The following PCDHGA1 variants were observed in gnomAD, a reference collection of about 807,000 sequenced individuals.
PCDHGA1 encodes the protein protocadherin gamma-A1.
Under a neutral mutation model 58.0 loss-of-function variants are expected in PCDHGA1, and 32 were observed. The observed-to-expected ratio is 0.55, with a 90% CI of 0.42 to 0.74. The LOEUF (loss-of-function observed/expected upper bound fraction) is 0.74. Among genes scored for constraint, PCDHGA1 ranks in the 30% least tolerant of loss-of-function variants. The pLI is 0.00. For missense variants in PCDHGA1, 1,205 were observed against 1,182.3 expected, an observed-to-expected ratio of 1.02 and a Z score of -0.28; for synonymous variants, 498 against 501.1, an observed-to-expected ratio of 0.99 and a Z score of 0.08.
chr5:141,355,686 A>G, intron 1 of PCDHGA1: 1 of 1,613,980 alleles, frequency 6.2e-7, no homozygotes, highest in Non-Finnish European at 8.5e-7. Flanking sequence ...ATCCGGATGT[A>G]GGTGTAAACT....
Position 141,432,110 on chromosome 5 carries a change from G to T in PCDHGA1, c.2422-62697G>T, listed in dbSNP as rs768038692. The T allele has an allele frequency of 6.2e-7, 1 of 1,614,108 alleles. No homozygotes were observed. Among genetic ancestry groups the T allele is most frequent in the Non-Finnish European group, 8.5e-7 (1 of 1,180,036 alleles). ...GGCAGACACCAACGACAACCCGCCG[G>T]TCTTCCCTCAGGCCTCCTATTCCGC... On this transcript the variant is annotated intron_variant, in intron 1 of 3. Coordinates refer to ENST00000517417, the MANE Select transcript of PCDHGA1 (RefSeq NM_018912.3). The surrounding 1 kb of genome is among the most constrained non-coding windows in gnomAD (Gnocchi z 6.0).
Position 141,432,602 on chromosome 5 carries a change from G to A in PCDHGA1, c.2422-62205G>A. The A allele has an allele frequency of 6.2e-7, 1 of 1,613,966 alleles. No homozygotes were observed. Among genetic ancestry groups the A allele is most frequent in the Non-Finnish European group, 8.5e-7 (1 of 1,179,972 alleles). On this transcript the variant is annotated intron_variant, in intron 1 of 3. Transcript: ENST00000517417. This position sits in a 1 kb window ranked among gnomAD's most constrained non-coding sequence, Gnocchi z 6.0. ...CCGTCTGCTCAAGGCCAGCGAGCCG[G>A]GACTCTTCTCGGTGGGTCTGCACAC...
At chr5:141,449,920 A>G (rs1287640011) in intron 1 of PCDHGA1, among the ~76,000 whole-genome samples, 1 of 151,842 alleles carries the variant, frequency 6.6e-6, no homozygotes, top group East Asian at 1.9e-4. Context: ...TTTAAATTCT[A>G]CCATACCTTA....
chr5:141,355,711 C>A, intron 1 of PCDHGA1: 3 of 1,613,998 alleles, frequency 1.9e-6, no homozygotes, highest in Non-Finnish European at 2.5e-6. Flanking sequence ...GCAGGGTTAC[C>A]AGCTCAACTC....
In PCDHGA1 at chr5:141,489,750, C is replaced by T. The variant is rs753217170; in HGVS notation, c.2422-5057C>T. On this transcript the variant is annotated intron_variant, in intron 1 of 3. Coordinates refer to ENST00000517417, the MANE Select transcript of PCDHGA1 (RefSeq NM_018912.3). The surrounding 1 kb of genome is among the most constrained non-coding windows in gnomAD (Gnocchi z 4.5). ...TGGGCACCAATACTGTGAGCTTTTA[C>T]ACTCTAAGCCCCAACAGCCACTTCT... 1.2e-6 allele frequency: 2 copies of T among 1,614,098 alleles called. No homozygotes were observed. Among genetic ancestry groups the T allele is most frequent in the Admixed American group, 3.3e-5 (2 of 60,022 alleles).
intron 1 of PCDHGA1, chr5:141,387,711 C>T: frequency 9.6e-7 from 1 of 1,041,396 alleles, no homozygotes; most frequent in Non-Finnish European, 1.4e-6. Flanking sequence ...GCAGCCCCAG[C>T]TCAGACTCCC....
At position 141,489,985 on chromosome 5, in the gene PCDHGA1, G is replaced by A. The variant is rs761481986; in HGVS notation, c.2422-4822G>A. ...AACCTTCCAATCCTCAGTTCTACGT[G>A]TGGGAATCCCAGAGAATGCACCCAT... On this transcript the variant is annotated intron_variant, in intron 1 of 3. Transcript: ENST00000517417. The surrounding 1 kb of genome is among the most constrained non-coding windows in gnomAD (Gnocchi z 4.5). The A allele has an allele frequency of 1.2e-6, 2 of 1,614,094 alleles. No homozygotes were observed. Among genetic ancestry groups the A allele is most frequent in the African/African-American group, 2.7e-5 (2 of 74,946 alleles).
chr5:141,357,576 G>C (rs781394563), intron 1 of PCDHGA1: 2 of 1,614,174 alleles, frequency 1.2e-6, no homozygotes, highest in South Asian at 1.1e-5. Context: ...AGCCTCTTCT[G>C]ATAACTCAGG....
chr5:141,500,688 T>C (rs2099802014), intron 2 of PCDHGA1, among the ~76,000 whole-genome samples: 1 of 152,224 alleles, frequency 6.6e-6, no homozygotes, highest in Non-Finnish European at 1.5e-5. Flanking sequence ...TATAGCTTTT[T>C]TCTTCTTTGC....
At chr5:141,335,977 G>A (rs891566219) in intron 1 of PCDHGA1, among the ~76,000 whole-genome samples, 1 of 152,026 alleles carries the variant, frequency 6.6e-6, no homozygotes, top group Admixed American at 6.5e-5. Flanking sequence ...ATAGACAAAT[G>A]CAATAATTTT....
At chr5:141,415,122 C>T (rs552568826) in intron 1 of PCDHGA1, 34 of 1,613,668 alleles carry the variant, frequency 2.1e-5, no homozygotes, top group Admixed American at 6.7e-5. Flanking sequence ...TCGTAGTGGC[C>T]GTCCAGGACC....
chr5:141,472,045 TA>T (rs1227282207), intron 1 of PCDHGA1, among the ~76,000 whole-genome samples: 3 of 152,170 alleles, frequency 2.0e-5, no homozygotes, highest in Non-Finnish European at 4.4e-5. Flanking sequence ...GAAAAGATTT[TA>T]AAAATGATTG....
At chr5:141,366,041 G>C in intron 1 of PCDHGA1, 1 of 1,614,232 alleles carries the variant, frequency 6.2e-7, no homozygotes, top group Non-Finnish European at 8.5e-7. Flanking sequence ...CCCCACAGAC[G>C]GTTCCACGGG....
chr5:141,415,419 C>A, intron 1 of PCDHGA1: 1 of 1,614,196 alleles, frequency 6.2e-7, no homozygotes, highest in East Asian at 2.2e-5. Context: ...TGGGCGTGGA[C>A]GGGGTTCGGG....
At chr5:141,463,583 G>A (rs1444995569) in intron 1 of PCDHGA1, among the ~76,000 whole-genome samples, 1 of 151,598 alleles carries the variant, frequency 6.6e-6, no homozygotes, top group African/African-American at 2.4e-5. Flanking sequence ...CGAGTAGCTG[G>A]GACTACAGGT....
Position 141,431,559 on chromosome 5 carries a change from C to T in PCDHGA1, c.2422-63248C>T. 6.2e-7 allele frequency: 1 copy of T among 1,614,158 alleles called. No individual in the cohort carries two copies. On this transcript the variant is annotated intron_variant, in intron 1 of 3. Transcript: ENST00000517417. The surrounding 1 kb of genome is among the most constrained non-coding windows in gnomAD (Gnocchi z 4.8). ...ACGCAGCTGCTTGTAGTCAACGCTA[C>T]CGACCCTGACGAAGGAGTCAATGCG...
At chr5:141,341,234 C>T in intron 1 of PCDHGA1, 1 of 1,614,238 alleles carries the variant, frequency 6.2e-7, no homozygotes, top group Non-Finnish European at 8.5e-7. Context: ...GACCTATTCC[C>T]ACGAGGTCTC....
At chr5:141,338,790 G>T (rs964544667) in intron 1 of PCDHGA1, 2 of 1,350,076 alleles carry the variant, frequency 1.5e-6, no homozygotes, top group Non-Finnish European at 9.5e-7. Context: ...ACAGCACAAG[G>T]GGGTGGAGGT....
At chr5:141,447,082 T>C (rs1259827606) in intron 1 of PCDHGA1, among the ~76,000 whole-genome samples, 3 of 152,156 alleles carry the variant, frequency 2.0e-5, no homozygotes, top group Non-Finnish European at 2.9e-5. Context: ...ATTTTTGTTG[T>C]TTAATTTTCT....
Sources: allele counts gnomAD v4.1 joint callset (sites outside exome capture counted in the v4.1 genomes callset), GRCh38; gene constraint gnomAD v4.1.1; non-coding constraint Gnocchi (gnomAD v3.1); transcripts MANE v1.5; gene names NCBI Gene and HGNC (gene_info 2026-07-23, HGNC 2026-07-21).